Variants in TENT5D observed in about 807,000 individuals in gnomAD.
TENT5D encodes the protein terminal nucleotidyltransferase 5D, also known as cancer/testis antigen 112.
For synonymous variants in TENT5D, 103 were observed against 100.6 expected, an observed-to-expected ratio of 1.02 and a Z score of -0.15; for missense variants, 191 against 287.0, an observed-to-expected ratio of 0.67 and a Z score of 2.42.
intron 3 of TENT5D, among the ~76,000 whole-genome samples, chrX:80,377,265 T>C (rs1376769687): frequency 8.9e-6 from 1 of 111,832 alleles, no homozygotes; most frequent in Non-Finnish European, 1.9e-5. Flanking sequence ...CTTTAAGTTC[T>C]AGGGTACATG....
intron 3 of TENT5D, among the ~76,000 whole-genome samples, chrX:80,397,295 T>C (rs1411620135): frequency 2.3e-5 from 2 of 87,736 alleles, no homozygotes; most frequent in African/African-American, 4.6e-5. Flanking sequence ...CCAGACGGGG[T>C]GGCGGGGCAG....
At chrX:80,403,667 A>G (rs1013836530) in intron 3 of TENT5D, among the ~76,000 whole-genome samples, 8 of 112,355 alleles carry the variant, frequency 7.1e-5, no homozygotes, top group South Asian at 3.7e-4. Flanking sequence ...CCTAGCTTCT[A>G]TCCACCAGAT....
At chrX:80,387,412 G>A (rs1400076103) in intron 3 of TENT5D, among the ~76,000 whole-genome samples, 1 of 111,991 alleles carries the variant, frequency 8.9e-6, no homozygotes, top group African/African-American at 3.3e-5. Context: ...GAACTTGGGT[G>A]TTGTGATCTA....
chrX:80,399,584 A>T (rs1490176440), intron 3 of TENT5D, among the ~76,000 whole-genome samples: 1 of 112,085 alleles, frequency 8.9e-6, no homozygotes, highest in African/African-American at 3.2e-5. Flanking sequence ...ATCCTGAAAA[A>T]TCAAAATCCT....
At chrX:80,340,068 T>C (rs1324242814) in intron 2 of TENT5D, among the ~76,000 whole-genome samples, 2 of 110,981 alleles carry the variant, frequency 1.8e-5, no homozygotes, top group Non-Finnish European at 3.8e-5. Flanking sequence ...TAATAAAACA[T>C]TTGCTATTAT....
At chrX:80,370,463 C>T (rs1930603641) in intron 3 of TENT5D, among the ~76,000 whole-genome samples, 2 of 111,396 alleles carry the variant, frequency 1.8e-5, no homozygotes, top group Admixed American at 1.9e-4. Context: ...ATATTTTTCC[C>T]AATAGTTTTC....
intron 3 of TENT5D, among the ~76,000 whole-genome samples, chrX:80,405,530 A>G (rs1351923483): frequency 1.8e-5 from 2 of 112,235 alleles, no homozygotes. Flanking sequence ...CCACCCAAAT[A>G]TTGCGCTTTT....
At chrX:80,392,278 TAAAG>T (rs200827575) in intron 3 of TENT5D, among the ~76,000 whole-genome samples, 1,407 of 109,988 alleles carry the variant, frequency 0.013, 27 homozygotes, top group African/African-American at 0.044. Context: ...AATAATCTCT[TAAAG>T]AAGGATTTAG....
At chrX:80,413,826 G>T (rs910415296) in intron 3 of TENT5D, among the ~76,000 whole-genome samples, 1 of 111,767 alleles carries the variant, frequency 8.9e-6, no homozygotes, top group Non-Finnish European at 1.9e-5. Flanking sequence ...GATCAAGTCA[G>T]AAAGAGTTGG....
chrX:80,366,465 A>G (rs1930513107), intron 3 of TENT5D, among the ~76,000 whole-genome samples: 1 of 111,517 alleles, frequency 9.0e-6, no homozygotes. Context: ...AGTAAAAACA[A>G]GTTTTTGCCT....
At chrX:80,421,382 T>C (rs900086727) in intron 1 of TENT5D, among the ~76,000 whole-genome samples, 13 of 110,703 alleles carry the variant, frequency 1.2e-4, no homozygotes, top group African/African-American at 4.3e-4. Flanking sequence ...AAAGACGGGG[T>C]TTCACCATGT....
chrX:80,340,572 C>A (rs1029908751), intron 2 of TENT5D, among the ~76,000 whole-genome samples: 1 of 110,730 alleles, frequency 9.0e-6, no homozygotes, highest in Non-Finnish European at 1.9e-5. Context: ...TACCCACATT[C>A]TATGATTTTT....
intron 3 of TENT5D, among the ~76,000 whole-genome samples, chrX:80,372,489 G>A (rs989788249): frequency 9.0e-6 from 1 of 111,450 alleles, no homozygotes; most frequent in African/African-American, 3.3e-5. Flanking sequence ...AGTCTTTATT[G>A]TATATCTGTA....
At chrX:80,339,876 G>T (rs34786206) in intron 2 of TENT5D, among the ~76,000 whole-genome samples, 15,440 of 97,562 alleles carry the variant, frequency 0.16, 1,079 homozygotes, top group East Asian at 0.23. Context: ...TATATATAGA[G>T]AGAGAGAGAG....
At chrX:80,389,331 G>C (rs1306835338) in intron 3 of TENT5D, among the ~76,000 whole-genome samples, 1 of 112,110 alleles carries the variant, frequency 8.9e-6, no homozygotes, top group Non-Finnish European at 1.9e-5. Context: ...CTTGGGTTCT[G>C]TAAGCATTAA....
chrX:80,339,757 A>T (rs977853201), intron 2 of TENT5D, among the ~76,000 whole-genome samples: 18 of 110,431 alleles, frequency 1.6e-4, no homozygotes, highest in African/African-American at 5.9e-4. Context: ...AATTAGAAAA[A>T]ATAAATCTAC....
exon 3 of TENT5D, chrX:80,442,687 C>G (rs1243369308): frequency 2.5e-6 from 3 of 1,209,269 alleles, no homozygotes; most frequent in Non-Finnish European, 3.4e-6. Flanking sequence ...TGTGAAAGAT[C>G]AACTCATAGG....
intron 3 of TENT5D, among the ~76,000 whole-genome samples, chrX:80,353,578 G>C (rs1429809761): frequency 1.8e-5 from 2 of 111,577 alleles, no homozygotes; most frequent in Non-Finnish European, 3.8e-5. Context: ...CTTACCTCTA[G>C]CTCCATCCAT....
intron 3 of TENT5D, among the ~76,000 whole-genome samples, chrX:80,377,055 A>G (rs1930743020): frequency 9.0e-6 from 1 of 110,795 alleles, no homozygotes; most frequent in Non-Finnish European, 1.9e-5. Flanking sequence ...TTTATTGCCA[A>G]TAGACACTCC....
Sources: gnomAD v4.1 joint callset for allele counts (sites outside exome capture counted in the v4.1 genomes callset) on GRCh38, gnomAD v4.1.1 for gene constraint, MANE v1.5 for transcripts, NCBI Gene and HGNC (gene_info 2026-07-23, HGNC 2026-07-21) for gene names.